Variants in TRIM5 observed in about 807,000 individuals in gnomAD.
TRIM5 encodes tripartite motif containing 5.
A neutral mutation model predicts 35.6 loss-of-function variants in TRIM5; 31 were observed. That is an observed-to-expected ratio of 0.87 (90% CI 0.65 to 1.18). The LOEUF (loss-of-function observed/expected upper bound fraction) is 1.18. Among genes scored for constraint, TRIM5 ranks in the 50% most tolerant of loss-of-function variants. TRIM5 has a pLI of 0.00. For synonymous variants in TRIM5, 243 were observed against 215.6 expected (o/e 1.13, Z -1.11); for missense variants, 609 against 591.6 (o/e 1.03, Z -0.31).
the TRIM5 span, chr11:5,642,922 CT>C: frequency 6.3e-7 from 1 of 1,578,654 alleles, no homozygotes; most frequent in South Asian, 1.1e-5. Context: ...ATCTTCTGAT[CT>C]TAGCCTCATG....
At chr11:5,607,556 G>C in the TRIM5 span, among the ~76,000 whole-genome samples, 1 of 152,188 alleles carries the variant, frequency 6.6e-6, no homozygotes, top group Non-Finnish European at 1.5e-5. Flanking sequence ...AAATAGAAAG[G>C]AATAGGCCAA....
the TRIM5 span, among the ~76,000 whole-genome samples, chr11:5,657,615 TTATA>T: frequency 9.4e-6 from 1 of 106,106 alleles, no homozygotes; most frequent in South Asian, 2.7e-4. Context: ...TATTTATATA[TTATA>T]TATAATGCAT....
At chr11:5,644,988 TGCC>T in the TRIM5 span, among the ~76,000 whole-genome samples, 1 of 152,206 alleles carries the variant, frequency 6.6e-6, no homozygotes, top group African/African-American at 2.4e-5. Context: ...TTCCCACTCT[TGCC>T]AGAGATGTTC....
intron 1 of TRIM5, among the ~76,000 whole-genome samples, chr11:5,682,311 A>ATGC (rs547385084): frequency 1.6e-3 from 239 of 152,066 alleles, no homozygotes; most frequent in African/African-American, 5.3e-3. Flanking sequence ...TTCTTTCCAC[A>ATGC]TGCTTCTCCT....
the TRIM5 span, among the ~76,000 whole-genome samples, chr11:5,650,044 T>C: frequency 6.6e-6 from 1 of 152,228 alleles, no homozygotes; most frequent in Non-Finnish European, 1.5e-5. Flanking sequence ...AGTGAGTTCC[T>C]TGATTGGAAT....
chr11:5,650,416 G>GA, the TRIM5 span, among the ~76,000 whole-genome samples: 22 of 152,310 alleles, frequency 1.4e-4, no homozygotes, highest in Admixed American at 3.3e-4. Context: ...GGATATCCCA[G>GA]AAAAAAGCTT....
chr11:5,643,668 A>G, the TRIM5 span: 14 of 1,613,040 alleles, frequency 8.7e-6, no homozygotes, highest in Non-Finnish European at 1.1e-5. Flanking sequence ...CAATCCTTGG[A>G]ACTGTCCAGC....
At chr11:5,656,513 C>T in the TRIM5 span, among the ~76,000 whole-genome samples, 1 of 152,092 alleles carries the variant, frequency 6.6e-6, no homozygotes, top group Non-Finnish European at 1.5e-5. Flanking sequence ...CACCACCATG[C>T]CCGGCTAGTT....
chr11:5,670,288 C>T (rs1158318839), intron 4 of TRIM5, among the ~76,000 whole-genome samples: 1 of 148,486 alleles, frequency 6.7e-6, no homozygotes, highest in South Asian at 2.1e-4. Flanking sequence ...TGCCATTCTC[C>T]TGTTTCAGCC....
chr11:5,643,874 T>A, the TRIM5 span: 6 of 875,636 alleles, frequency 6.9e-6, no homozygotes, highest in South Asian at 1.2e-4. Flanking sequence ...GAGATGCTTA[T>A]TTATTCATTT....
chr11:5,645,616 G>T, the TRIM5 span: 1 of 156,244 alleles, frequency 6.4e-6, no homozygotes, highest in Non-Finnish European at 1.4e-5. Context: ...TGCATAGAAT[G>T]AGAGTACTTT....
chr11:5,666,640 C>T (rs143163895), intron 5 of TRIM5, among the ~76,000 whole-genome samples: 4 of 152,246 alleles, frequency 2.6e-5, no homozygotes, highest in Non-Finnish European at 4.4e-5. Flanking sequence ...TTCAGATTTC[C>T]GGGAAAAATT....
chr11:5,656,669 T>A, the TRIM5 span, among the ~76,000 whole-genome samples: 1 of 152,150 alleles, frequency 6.6e-6, no homozygotes, highest in African/African-American at 2.4e-5. Context: ...CAGACACTTC[T>A]TAAAAGAAGA....
At chr11:5,674,616 C>G (rs946077836) in intron 4 of TRIM5, among the ~76,000 whole-genome samples, 2 of 152,194 alleles carry the variant, frequency 1.3e-5, no homozygotes, top group African/African-American at 4.8e-5. Flanking sequence ...GCCTCCAGGC[C>G]GTATCTCACA....
the TRIM5 span, among the ~76,000 whole-genome samples, chr11:5,655,868 T>C: frequency 6.6e-6 from 1 of 152,198 alleles, no homozygotes; most frequent in African/African-American, 2.4e-5. Context: ...TCTACAACCA[T>C]CTGATCTTTG....
chr11:5,663,125 A>AAAAC (rs71053290), downstream of TRIM5: 41 of 513,758 alleles, frequency 8.0e-5, no homozygotes, highest in South Asian at 7.6e-4. Context: ...ACCCTGTCTC[A>AAAAC]AAACAAACAA....
At chr11:5,683,050 C>T (rs937419799) in intron 1 of TRIM5, among the ~76,000 whole-genome samples, 2 of 152,216 alleles carry the variant, frequency 1.3e-5, no homozygotes, top group Non-Finnish European at 2.9e-5. Flanking sequence ...AGTGGCCGGC[C>T]GGCCCCGCTG....
At chr11:5,661,802 G>A (rs1850836101), downstream of TRIM5, among the ~76,000 whole-genome samples, 1 of 152,182 alleles carries the variant, frequency 6.6e-6, no homozygotes, top group Non-Finnish European at 1.5e-5. Flanking sequence ...CTTTTCAGCT[G>A]AGAGGTTCAT....
the TRIM5 span, among the ~76,000 whole-genome samples, chr11:5,592,709 G>A: frequency 6.6e-6 from 1 of 151,926 alleles, no homozygotes; most frequent in African/African-American, 2.4e-5. Flanking sequence ...TTGAGTCCAG[G>A]AGTTTGAGAT....
Sources: gnomAD v4.1 joint callset for allele counts (sites outside exome capture counted in the v4.1 genomes callset) on GRCh38, gnomAD v4.1.1 for gene constraint, MANE v1.5 for transcripts, NCBI Gene and HGNC (gene_info 2026-07-23, HGNC 2026-07-21) for gene names.